RASGRP1: variants seen among roughly 807,000 people sequenced by gnomAD.
RASGRP1 encodes the protein RAS guanyl releasing protein 1.
In RASGRP1, 37 loss-of-function variants were observed where a neutral mutation model predicts 95.1. That is an observed-to-expected ratio of 0.39 (90% CI 0.30 to 0.51). The LOEUF (loss-of-function observed/expected upper bound fraction) is 0.51. RASGRP1 is among the 20% of genes least tolerant of loss of function. The probability of loss-of-function intolerance (pLI) is 0.80; values close to 1 mark genes in which losing one functional copy is unlikely to be tolerated. For missense variants in RASGRP1, 711 were observed against 965.4 expected, an observed-to-expected ratio of 0.74 and a Z score of 3.49; for synonymous variants, 325 against 353.4, an observed-to-expected ratio of 0.92 and a Z score of 0.90.
At chr15:38,549,428 C>T (rs1893240441) in intron 2 of RASGRP1, among the ~76,000 whole-genome samples, 1 of 152,098 alleles carries the variant, frequency 6.6e-6, no homozygotes, top group African/African-American at 2.4e-5. Context: ...TGTGGGTTCC[C>T]CCTTAAAATG....
intron 10 of RASGRP1, chr15:38,504,044 TGTATCTTAAC>T (rs1891152024): frequency 6.6e-6 from 1 of 152,236 alleles, no homozygotes; most frequent in Non-Finnish European, 1.5e-5. Flanking sequence ...ATGGTATTTG[TGTATCTTAAC>T]ATATCTAAAC....
At chr15:38,494,264 T>C in intron 16 of RASGRP1, 118 bp downstream of exon 16, 1 of 1,341,122 alleles carries the variant, frequency 7.5e-7, no homozygotes, top group East Asian at 2.5e-5. Flanking sequence ...CTCCTCCTTT[T>C]TTGTTTTAGA....
intron 3 of RASGRP1, among the ~76,000 whole-genome samples, chr15:38,525,529 T>C (rs1245103336): frequency 2.0e-5 from 3 of 152,154 alleles, no homozygotes; most frequent in Non-Finnish European, 4.4e-5. Context: ...TAAAGACTCA[T>C]GAGTAGGTAT....
At chr15:38,560,862 A>G (rs886555835) in intron 1 of RASGRP1, among the ~76,000 whole-genome samples, 9 of 152,218 alleles carry the variant, frequency 5.9e-5, no homozygotes, top group African/African-American at 2.2e-4. Flanking sequence ...TTAAGAGTCC[A>G]ATGGACTTTC....
At chr15:38,498,108 GTC>G (rs995755144) in intron 15 of RASGRP1, among the ~76,000 whole-genome samples, 1 of 152,214 alleles carries the variant, frequency 6.6e-6, no homozygotes, top group Admixed American at 6.5e-5. Context: ...CTGTGGCTAA[GTC>G]TGCTTCCTGC....
chr15:38,518,723 C>T (rs1891884099), intron 4 of RASGRP1, among the ~76,000 whole-genome samples: 1 of 152,144 alleles, frequency 6.6e-6, no homozygotes. Context: ...AGGGAGAGAA[C>T]TATAGATAAA....
At chr15:38,491,260 T>C (rs181769376) in intron 16 of RASGRP1, among the ~76,000 whole-genome samples, 5 of 152,324 alleles carry the variant, frequency 3.3e-5, no homozygotes, top group African/African-American at 9.6e-5. Flanking sequence ...TATCCTATAC[T>C]GATTACTCCA....
rs753028301 is a variant in RASGRP1, at chr15:38,559,903, C to T, written c.138G>A (p.Gln46=). ...GTCCCAGAGACACCATCATTCGGAA[C>T]TGGGTGATGTGGGCCAAGCTGGGAT... ...PSHPSLAHIT[Q]FRMMVSLGHL... Residue 46 remains glutamine, a synonymous_variant, in exon 2 of 17, where the codon CAG becomes CAA. Transcript: ENST00000310803. 7 of 1,613,786 alleles carry T rather than the reference C, an allele frequency of 4.3e-6. No individual in the cohort carries two copies. The highest frequency in any genetic ancestry group is 5.9e-6 in the Non-Finnish European group (7 of 1,179,822).
chr15:38,564,623 GC>G lies in RASGRP1; in HGVS notation c.5del (p.Gly2AlafsTer25). M[G>X]TLGKAREAPR... ...GAGCCTCTCTCGCCTTGCCCAGGGT[GC>G]CCATGGCCGCGGCCCGCGCTCCCGG... On this transcript the variant is annotated frameshift_variant, in exon 1 of 17. Coordinates refer to ENST00000310803, the MANE Select transcript of RASGRP1 (RefSeq NM_005739.4). LOFTEE classifies it high-confidence loss of function. 2 of 1,353,006 alleles carry G rather than the reference GC, an allele frequency of 1.5e-6. No individual in the cohort carries two copies. The highest frequency in any genetic ancestry group is 2.0e-5 in the South Asian group (1 of 49,668). 83.8% of individuals were successfully genotyped at this position (1,353,006 alleles called of 1,614,324 possible). A position where few individuals can be genotyped will look rare whatever the true frequency, so the allele number is the denominator to read the frequency against.
At position 38,494,696 on chromosome 15, in the gene RASGRP1, T is replaced by C; in HGVS notation, c.1945A>G (p.Thr649Ala). 1 of 1,528,758 alleles carries C rather than the reference T, an allele frequency of 6.5e-7. No individual in the cohort carries two copies. The highest frequency in any genetic ancestry group is 8.7e-7 in the Non-Finnish European group (1 of 1,142,948). 94.7% of individuals were successfully genotyped at this position (1,528,758 alleles called of 1,614,324 possible). ...GAGGACACTCCCATCAGCATGATGG[T>C]CCGATCCTTACTCTCCTCACCATGT... ...VEHGEESKDR[T>A]IMLMGVSSQK... is the part of the protein sequence containing the mutation. Residue 649 changes from threonine (T) to alanine (A), a missense_variant, in exon 16 of 17, where the codon ACC (threonine) becomes GCC (alanine). Thr to Ala is a moderately conservative substitution (Grantham distance 58). Around this residue, in one of 3 missense-constraint regions of RASGRP1, gnomAD observed 212 missense variants for 247.8 expected, o/e 0.86. Coordinates refer to ENST00000310803, the MANE Select transcript of RASGRP1 (RefSeq NM_005739.4).
At chr15:38,508,755 A>G (rs1891370676) in intron 8 of RASGRP1, among the ~76,000 whole-genome samples, 1 of 152,212 alleles carries the variant, frequency 6.6e-6, no homozygotes, top group South Asian at 2.1e-4. Flanking sequence ...AGCCAGATCT[A>G]GTTTTCTTTT....
chr15:38,496,841 A>G (rs1446248804), intron 15 of RASGRP1, among the ~76,000 whole-genome samples: 1 of 152,212 alleles, frequency 6.6e-6, no homozygotes, highest in East Asian at 1.9e-4. Flanking sequence ...CTTTGATCTA[A>G]TTGATCAATA....
chr15:38,552,967 C>T (rs1893397713), intron 2 of RASGRP1, among the ~76,000 whole-genome samples: 1 of 152,200 alleles, frequency 6.6e-6, no homozygotes, highest in South Asian at 2.1e-4. Context: ...GGCTCTTACA[C>T]AGACCTCTGA....
Position 38,488,199 on chromosome 15 carries a change from T to TC in RASGRP1, c.*2354dup, listed in dbSNP as rs1890427499. The TC allele has an allele frequency of 6.6e-6, 1 of 152,072 alleles. No homozygotes were observed. Among genetic ancestry groups the TC allele is most frequent in the Admixed American group, 6.5e-5 (1 of 15,274 alleles). 9.4% of individuals were successfully genotyped at this position (152,072 alleles called of 1,614,324 possible). A position where few individuals can be genotyped will look rare whatever the true frequency, so the allele number is the denominator to read the frequency against. ...TTTACAATCTGTACATTTGTTTTTT[T>TC]CTTGCATTTCTATATTATACATTTT... On this transcript the variant is annotated 3_prime_UTR_variant, in exon 17 of 17. Transcript: ENST00000310803.
chr15:38,560,027 T>G, intron 1 of RASGRP1, 22 bp from the exon 2 acceptor site: 1 of 1,589,264 alleles, frequency 6.3e-7, no homozygotes, highest in Non-Finnish European at 8.6e-7. Flanking sequence ...GAGAAGGCAG[T>G]GAGGGGACAA....
In RASGRP1 at chr15:38,502,306, C is replaced by A. The variant is rs1891064917; in HGVS notation, c.1538+6G>T. 6.5e-7 allele frequency: 1 copy of A among 1,550,242 alleles called. No homozygotes were observed. The highest frequency in any genetic ancestry group is 1.4e-5 in the African/African-American group (1 of 73,452). On this transcript the variant is annotated splice_donor_region_variant and intron_variant, in intron 12 of 16. Coordinates refer to ENST00000310803, the MANE Select transcript of RASGRP1 (RefSeq NM_005739.4). ...TAACCACATATTCCTAAGTACAAAC[C>A]CTCACCTGTCTTTGTCCATCACACA...
At chr15:38,553,642 A>T (rs1893424810) in intron 2 of RASGRP1, among the ~76,000 whole-genome samples, 1 of 152,264 alleles carries the variant, frequency 6.6e-6, no homozygotes, top group Non-Finnish European at 1.5e-5. Context: ...TTTGAATGCA[A>T]GAATCAAACT....
chr15:38,533,351 G>A (rs1358491521), intron 2 of RASGRP1, among the ~76,000 whole-genome samples: 1 of 152,158 alleles, frequency 6.6e-6, no homozygotes, highest in African/African-American at 2.4e-5. Context: ...GGTCTAGGTT[G>A]AACCTGGTAG....
Position 38,564,702 on chromosome 15 carries a change from C to T in RASGRP1, c.-74G>A. ...CGGCGCATCGCCCCCGCCACCACCG[C>T]CGCCGCCTGCCGGCTCTCTCCCCCC... On this transcript the variant is annotated 5_prime_UTR_variant, in exon 1 of 17. Coordinates refer to ENST00000310803, the MANE Select transcript of RASGRP1 (RefSeq NM_005739.4). The T allele has an allele frequency of 8.7e-7, 1 of 1,152,586 alleles. No homozygotes were observed. Among genetic ancestry groups the T allele is most frequent in the East Asian group, 3.9e-5 (1 of 25,796 alleles). 71.4% of individuals were successfully genotyped at this position (1,152,586 alleles called of 1,614,324 possible).
Sources: allele counts gnomAD v4.1 joint callset (sites outside exome capture counted in the v4.1 genomes callset), GRCh38; gene constraint gnomAD v4.1.1; regional missense constraint gnomAD v4.1.1; transcripts MANE v1.5; gene names NCBI Gene and HGNC (gene_info 2026-07-23, HGNC 2026-07-21).